Variants in TENM2 observed in about 807,000 individuals in gnomAD.
TENM2 encodes teneurin-2.
TENM2 carries 52 observed loss-of-function variants against 245.2 expected under a neutral mutation model. That is an observed-to-expected ratio of 0.21 (90% CI 0.17 to 0.27). TENM2 has a LOEUF of 0.27. Among genes scored for constraint, TENM2 ranks in the 10% least tolerant of loss-of-function variants. The pLI, the probability that TENM2 is intolerant of heterozygous loss-of-function variation, is 1.00. For missense variants in TENM2, 3,046 were observed against 3,666.8 expected, an observed-to-expected ratio of 0.83 and a Z score of 4.37; for synonymous variants, 1,363 against 1,438.9, an observed-to-expected ratio of 0.95 and a Z score of 1.19.
At position 168,225,986 on chromosome 5, in the gene TENM2, C is replaced by T. The variant is rs1039678475; in HGVS notation, c.5109-102C>T. The T allele has an allele frequency of 9.6e-6, 11 of 1,144,476 alleles. No individual in the cohort carries two copies. The African/African-American group carries it at 1.2e-4, about 13-fold the overall frequency. 70.9% of individuals were successfully genotyped at this position (1,144,476 alleles called of 1,614,324 possible). On this transcript the variant is annotated intron_variant, in intron 23 of 28. Coordinates refer to ENST00000518659, the Ensembl canonical transcript of TENM2. ...AGTGAGATGCGCCACCCAGCCAACC[C>T]ACCTTCCCAGCTCTTTCTCTGGCCC...
intron 2 of TENM2, among the ~76,000 whole-genome samples, chr5:167,442,144 G>A (rs1342104370): frequency 3.3e-5 from 5 of 151,830 alleles, no homozygotes; most frequent in Non-Finnish European, 7.4e-5. Flanking sequence ...CCTTTCAATG[G>A]GAAATTATTT....
chr5:167,074,329 T>G, the TENM2 span, among the ~76,000 whole-genome samples: 3 of 152,196 alleles, frequency 2.0e-5, no homozygotes, highest in Non-Finnish European at 2.9e-5. Context: ...CTGAAGTTTT[T>G]CTGCAAAAGC....
At chr5:168,104,243 G>T (rs1016404957) in intron 9 of TENM2, among the ~76,000 whole-genome samples, 7 of 152,074 alleles carry the variant, frequency 4.6e-5, no homozygotes, top group Middle Eastern at 3.2e-3. Flanking sequence ...CAGCCAGGCT[G>T]GTCTCAAACT....
Position 167,975,148 on chromosome 5 carries a change from G to T in TENM2, c.948-17796G>T, listed in dbSNP as rs73375621. ...GGCAAATTTCAATTTACCATGCCTC[G>T]GCTTGTCCAACTGTATCTGCATCAA... On this transcript the variant is annotated intron_variant, in intron 4 of 28. Transcript: ENST00000518659. Among the ~76,000 whole-genome samples the T allele has an allele frequency of 4.6e-5, 7 of 152,278 alleles. No individual in the cohort carries two copies. The South Asian group carries it at 1.0e-3, about 23-fold the overall frequency.
At chr5:166,981,701 A>G in the TENM2 span, among the ~76,000 whole-genome samples, 9 of 152,318 alleles carry the variant, frequency 5.9e-5, no homozygotes, top group African/African-American at 1.4e-4. Context: ...CTTCAGTTTC[A>G]GTATCTTCAC....
intron 2 of TENM2, among the ~76,000 whole-genome samples, chr5:167,774,253 G>A (rs1188351016): frequency 6.7e-6 from 1 of 150,354 alleles, no homozygotes; most frequent in East Asian, 2.0e-4. Flanking sequence ...AGGAAGGAAG[G>A]AAAATTAATT....
chr5:167,869,647 GC>G (rs1772640837), intron 2 of TENM2, among the ~76,000 whole-genome samples: 1 of 152,226 alleles, frequency 6.6e-6, no homozygotes, highest in Admixed American at 6.5e-5. Flanking sequence ...GCACCTCGCA[GC>G]TTCTGCACTA....
chr5:167,455,455 G>GTTTTT (rs10666572), intron 2 of TENM2, among the ~76,000 whole-genome samples: 33 of 141,822 alleles, frequency 2.3e-4, no homozygotes, highest in South Asian at 9.0e-4. Flanking sequence ...TGTATGTGTA[G>GTTTTT]TTTTTTTTTT....
At chr5:167,235,938 G>A in the TENM2 span, among the ~76,000 whole-genome samples, 32,407 of 152,026 alleles carry the variant, frequency 0.21, 3,994 homozygotes, top group African/African-American at 0.34. Context: ...AGGGAATTGA[G>A]TTTGCTTTTA....
intron 9 of TENM2, among the ~76,000 whole-genome samples, chr5:168,115,767 T>C (rs967751158): frequency 2.0e-5 from 3 of 152,306 alleles, no homozygotes; most frequent in African/African-American, 4.8e-5. Context: ...CACTGTTACC[T>C]AGATCAGAAA....
Position 168,248,383 on chromosome 5 carries a change from G to T in TENM2, c.7432+12G>T. 6.2e-7 allele frequency: 1 copy of T among 1,606,030 alleles called. No homozygotes were observed. The highest frequency in any genetic ancestry group is 1.1e-5 in the South Asian group (1 of 90,376). ...GAACTACGTGACAGGTGAGGATTCT[G>T]CCACCAAAGGTGGGCAGTGGCTCCC... On this transcript the variant is annotated intron_variant, in intron 27 of 28. Coordinates refer to ENST00000518659, the Ensembl canonical transcript of TENM2.
intron 3 of TENM2, among the ~76,000 whole-genome samples, chr5:167,946,481 G>T (rs576653754): frequency 6.6e-6 from 1 of 152,206 alleles, no homozygotes; most frequent in South Asian, 2.1e-4. Context: ...AGCAGCATCC[G>T]TGAGGTGGTG....
At chr5:168,091,095 C>T (rs765242050) in intron 8 of TENM2, among the ~76,000 whole-genome samples, 56 of 152,182 alleles carry the variant, frequency 3.7e-4, no homozygotes, top group Non-Finnish European at 7.8e-4. Flanking sequence ...TAGGAACTAA[C>T]GTGAATGCCC....
chr5:167,112,470 A>G, the TENM2 span, among the ~76,000 whole-genome samples: 1 of 152,230 alleles, frequency 6.6e-6, no homozygotes, highest in African/African-American at 2.4e-5. Flanking sequence ...TAGGCTAGAT[A>G]CAGTCACCTT....
At chr5:168,021,238 C>T (rs1438315265) in intron 5 of TENM2, among the ~76,000 whole-genome samples, 4 of 152,180 alleles carry the variant, frequency 2.6e-5, no homozygotes, top group Non-Finnish European at 5.9e-5. Context: ...TATTAAAAAG[C>T]ACTTCTTAGG....
At chr5:168,072,669 T>C (rs1344112509) in intron 7 of TENM2, among the ~76,000 whole-genome samples, 1 of 152,138 alleles carries the variant, frequency 6.6e-6, no homozygotes, top group Non-Finnish European at 1.5e-5. Flanking sequence ...TCCTATGAAG[T>C]GTTTCCGGAT....
intron 1 of TENM2, among the ~76,000 whole-genome samples, chr5:167,352,915 G>A (rs1759017666): frequency 6.6e-6 from 1 of 152,120 alleles, no homozygotes; most frequent in African/African-American, 2.4e-5. Context: ...TGTCTCCAGA[G>A]AAAAAGGGGA....
intron 1 of TENM2, among the ~76,000 whole-genome samples, chr5:167,359,676 C>G (rs140182340): frequency 6.6e-6 from 1 of 152,060 alleles, no homozygotes; most frequent in Admixed American, 6.6e-5. Context: ...GCCTAGGTTG[C>G]CTTCCAGGGA....
intron 2 of TENM2, among the ~76,000 whole-genome samples, chr5:167,750,406 C>G (rs1254318551): frequency 6.6e-6 from 1 of 152,122 alleles, no homozygotes; most frequent in African/African-American, 2.4e-5. Flanking sequence ...TTGACAAAGG[C>G]ATTGTCCTCG....
Sources: gnomAD v4.1 joint callset for allele counts (sites outside exome capture counted in the v4.1 genomes callset) on GRCh38, gnomAD v4.1.1 for gene constraint, MANE v1.5 for transcripts, NCBI Gene and HGNC (gene_info 2026-07-23, HGNC 2026-07-21) for gene names.